Variants in SMAD9 observed in about 807,000 individuals in gnomAD.
The protein encoded by SMAD9 is SMAD family member 9.
SMAD9 carries 36 observed loss-of-function variants against 46.1 expected under a neutral mutation model. That is an observed-to-expected ratio of 0.78 (90% confidence interval 0.60 to 1.03). The LOEUF (loss-of-function observed/expected upper bound fraction) is 1.03. Among genes scored for constraint, SMAD9 ranks in the 50% least tolerant of loss-of-function variants. SMAD9 has a pLI of 0.00. For synonymous variants in SMAD9, 245 were observed against 237.1 expected (o/e 1.03, Z -0.31); for missense variants, 572 against 599.8 (o/e 0.95, Z 0.48).
rs2058037518 is a variant in SMAD9 at position 36,846,233 on chromosome 13, A to C, written c.*2443T>G. 6.6e-6 allele frequency: 1 copy of C among 152,092 alleles called. No individual in the cohort carries two copies. The highest frequency in any genetic ancestry group is 6.5e-5 in the Admixed American group (1 of 15,268). 9.4% of individuals were successfully genotyped at this position (152,092 alleles called of 1,614,324 possible). ...CGCAGTGGCTCACGCCTGTAATCCC[A>C]GCACTTTGGGAGGCTGAGGCGGGCG... is the stretch of plus-strand genomic sequence containing the variant. On this transcript the variant is annotated 3_prime_UTR_variant, in exon 7 of 7. Transcript: ENST00000379826.
chr13:36,874,533 T>C (rs895895286), intron 2 of SMAD9, among the ~76,000 whole-genome samples: 1 of 151,886 alleles, frequency 6.6e-6, no homozygotes, highest in Non-Finnish European at 1.5e-5. Context: ...ATATCAAGGA[T>C]GAGAAGAGGA....
At chr13:36,885,613 A>G (rs1268024898) in intron 1 of SMAD9, among the ~76,000 whole-genome samples, 1 of 151,948 alleles carries the variant, frequency 6.6e-6, no homozygotes, top group East Asian at 1.9e-4. Flanking sequence ...TTTCCTAAAT[A>G]TCCATGAAGG....
intron 5 of SMAD9, 49 bp from the exon 6 acceptor site, chr13:36,853,724 G>C (rs370962429): frequency 6.2e-7 from 1 of 1,605,204 alleles, no homozygotes; most frequent in Middle Eastern, 1.7e-4. Context: ...TTCATAGCGT[G>C]CCTCTCCCAC....
In SMAD9 at chr13:36,879,536, T is replaced by C. The variant is rs765314701; in HGVS notation, c.154A>G (p.Met52Val). ...VKKLKKKKGAMDELERALSCP... is the reference protein window; with the variant it reads ...VKKLKKKKGAVDELERALSCP... The stretch of plus-strand genomic sequence containing the variant: ...CTGAGAGCCCTCTCCAGCTCGTCCA[T>C]GGCTCCCTTCTTCTTCTTTAACTTC... The change falls in exon 2 of 7, where the codon ATG (methionine) becomes GTG (valine). Residue 52 changes from methionine (M) to valine (V), a missense_variant. Physicochemically the swap from Met to Val is conservative, Grantham distance 21 (BLOSUM62 1). Transcript: ENST00000379826. The C allele has an allele frequency of 1.2e-6, 2 of 1,614,224 alleles. No individual in the cohort carries two copies. The highest frequency in any genetic ancestry group is 1.1e-5 in the South Asian group (1 of 91,092).
Position 36,888,741 on chromosome 13 carries a change from C to T in SMAD9, c.-186-8866G>A, listed in dbSNP as rs551406705. ...GTTTTGTGATGTGCATGACACTTGG[C>T]ACCTGGAAGTGAGGAAGTGGGGAGA... On this transcript the variant is annotated intron_variant, in intron 1 of 6. Coordinates refer to ENST00000379826, the MANE Select transcript of SMAD9 (RefSeq NM_001127217.3). Among the ~76,000 whole-genome samples, 4 of 152,278 alleles carry T rather than the reference C, an allele frequency of 2.6e-5. No homozygotes were observed. The South Asian group carries it at 8.3e-4, about 32-fold the overall frequency.
intron 6 of SMAD9, among the ~76,000 whole-genome samples, chr13:36,850,589 G>A (rs1024952264): frequency 6.6e-6 from 1 of 152,002 alleles, no homozygotes; most frequent in Non-Finnish European, 1.5e-5. Context: ...ATGTTGGCCA[G>A]GCTAGTCTTG....
intron 2 of SMAD9, among the ~76,000 whole-genome samples, chr13:36,873,650 A>G (rs907782119): frequency 1.3e-5 from 2 of 152,126 alleles, no homozygotes; most frequent in Non-Finnish European, 2.9e-5. Context: ...ATCACCTGAG[A>G]TCAGGAGTTT....
intron 1 of SMAD9, among the ~76,000 whole-genome samples, chr13:36,892,117 A>T (rs577015828): frequency 1.3e-5 from 2 of 152,336 alleles, no homozygotes; most frequent in Non-Finnish European, 2.9e-5. Context: ...AATGGTATTA[A>T]TGGGTGACTA....
intron 5 of SMAD9, among the ~76,000 whole-genome samples, chr13:36,861,801 C>T (rs143494107): frequency 0.017 from 2,531 of 151,494 alleles, 72 homozygotes; most frequent in African/African-American, 0.059. Flanking sequence ...TGGTGGTGTG[C>T]GCCTGTAATC....
rs1452807511 is a variant in SMAD9 at position 36,879,420 on chromosome 13, C to T, written c.270G>A (p.Val90=). ...GCCAGCGCCACACGCGACAGTAAAT[C>T]ACATGGGGCAGGCCCTTGCGGTGGG... ...QVSHRKGLPH[V]IYCRVWRWPD... The change falls in exon 2 of 7, where the codon GTG becomes GTA. Residue 90 remains valine, a synonymous_variant. Coordinates refer to ENST00000379826, the MANE Select transcript of SMAD9 (RefSeq NM_001127217.3). 2 of 1,613,998 alleles carry T rather than the reference C, an allele frequency of 1.2e-6. No homozygotes were observed. The highest frequency in any genetic ancestry group is 2.2e-5 in the East Asian group (1 of 44,880).
At position 36,867,349 on chromosome 13, in the gene SMAD9, T is replaced by TGATAAGGCAGGGGTGGTGTG. The variant is rs1342456449; in HGVS notation, c.704_705insCACACCACCCCTGCCTTATC (p.Glu235AspfsTer18). ...GTTGGCCACTCTGGGTCTCAGAGGCTTCTGTGGCATGATAAGGCAGGGGTG... is the reference window on the plus strand; with the variant it reads ...GTTGGCCACTCTGGGTCTCAGAGGCTGATAAGGCAGGGGTGGTGTGTCTGTGGCATGATAAGGCAGGGGTG... On this transcript the variant is annotated frameshift_variant, in exon 4 of 7. Coordinates refer to ENST00000379826, the MANE Select transcript of SMAD9 (RefSeq NM_001127217.3). LOFTEE classifies it high-confidence loss of function. The TGATAAGGCAGGGGTGGTGTG allele has an allele frequency of 1.3e-6, 2 of 1,551,214 alleles. No homozygotes were observed. Among genetic ancestry groups the TGATAAGGCAGGGGTGGTGTG allele is most frequent in the East Asian group, 4.9e-5 (2 of 40,916 alleles).
intron 1 of SMAD9, among the ~76,000 whole-genome samples, chr13:36,916,730 G>T (rs2058701171): frequency 6.6e-6 from 1 of 151,838 alleles, no homozygotes; most frequent in African/African-American, 2.4e-5. Flanking sequence ...TACAAAACAG[G>T]TAAGAGTTGA....
At chr13:36,893,361 A>G (rs2058503328) in intron 1 of SMAD9, among the ~76,000 whole-genome samples, 1 of 150,216 alleles carries the variant, frequency 6.7e-6, no homozygotes, top group Non-Finnish European at 1.5e-5. Context: ...AAAAAATTGA[A>G]AGCCACTTCC....
intron 1 of SMAD9, among the ~76,000 whole-genome samples, chr13:36,905,766 C>A (rs1455323793): frequency 1.4e-5 from 1 of 73,604 alleles, no homozygotes; most frequent in African/African-American, 5.7e-5. Flanking sequence ...AAGGGCAAGA[C>A]CCTGTCTCAA....
chr13:36,918,800 T>C (rs900605990), intron 1 of SMAD9, among the ~76,000 whole-genome samples: 7 of 152,224 alleles, frequency 4.6e-5, no homozygotes, highest in Non-Finnish European at 1.0e-4. Context: ...CCCTCACACT[T>C]GGAGGAATGC....
chr13:36,917,494 A>G (rs938469293), intron 1 of SMAD9, among the ~76,000 whole-genome samples: 3 of 152,110 alleles, frequency 2.0e-5, no homozygotes, highest in African/African-American at 4.8e-5. Flanking sequence ...ACTATTTGAG[A>G]AGATTCATGG....
intron 1 of SMAD9, among the ~76,000 whole-genome samples, chr13:36,909,999 C>T (rs2058647933): frequency 6.6e-6 from 1 of 152,006 alleles, no homozygotes; most frequent in Non-Finnish European, 1.5e-5. Flanking sequence ...AGATCGAGAC[C>T]ATCCTGGCTA....
chr13:36,852,101 G>T, intron 6 of SMAD9: 1 of 975,848 alleles, frequency 1.0e-6, no homozygotes, highest in Non-Finnish European at 1.2e-6. Context: ...AAATTTGAAT[G>T]AAACTGCTTT....
rs2058387618 is a variant in SMAD9 at position 36,879,858 on chromosome 13, T to TGAACAGG, written c.-176_-170dup. The TGAACAGG allele has an allele frequency of 1.5e-6, 1 of 668,300 alleles. No homozygotes were observed. 41.4% of individuals were successfully genotyped at this position (668,300 alleles called of 1,614,324 possible). On this transcript the variant is annotated 5_prime_UTR_variant, in exon 2 of 7. Transcript: ENST00000379826. Reference sequence around the variant, plus strand: ...GTGTGTTGACTTTCTCCTAAGCCCTTGAACAGGGTGGCCAACTCTGGAAAA... The same window carrying TGAACAGG: ...GTGTGTTGACTTTCTCCTAAGCCCTTGAACAGGGAACAGGGTGGCCAACTCTGGAAAA...
Sources: gnomAD v4.1 joint callset for allele counts (sites outside exome capture counted in the v4.1 genomes callset) on GRCh38, gnomAD v4.1.1 for gene constraint, MANE v1.5 for transcripts, NCBI Gene and HGNC (gene_info 2026-07-23, HGNC 2026-07-21) for gene names.